Variants in NCEH1 observed in about 807,000 individuals in gnomAD.
NCEH1 encodes 2-acetyl MAGE hydrolase.
In NCEH1, 9 loss-of-function variants were observed where a neutral mutation model predicts 25.4. The observed-to-expected ratio is 0.35, with a 90% CI of 0.21 to 0.62. The LOEUF is 0.62. Among genes scored for constraint, NCEH1 ranks in the 20% least tolerant of loss-of-function variants. The pLI is 0.72. For synonymous variants in NCEH1, 200 were observed against 199.8 expected (o/e 1.00, Z -0.01); for missense variants, 412 against 501.1 (o/e 0.82, Z 1.70).
intron 1 of NCEH1, among the ~76,000 whole-genome samples, chr3:172,661,790 TAGG>T (rs774407485): frequency 0.2 from 29,746 of 151,924 alleles, 3,175 homozygotes; most frequent in Middle Eastern, 0.26. Context: ...TATTGGTGTA[TAGG>T]AATGCTTGTG....
chr3:172,666,091 G>A (rs746826676), intron 1 of NCEH1, among the ~76,000 whole-genome samples: 10 of 152,236 alleles, frequency 6.6e-5, no homozygotes, highest in Non-Finnish European at 1.2e-4. Flanking sequence ...GTAGACTGGA[G>A]CTGCTTCTAT....
intron 3 of NCEH1, among the ~76,000 whole-genome samples, chr3:172,639,009 C>A (rs983360037): frequency 1.3e-5 from 2 of 152,146 alleles, no homozygotes; most frequent in African/African-American, 4.8e-5. Flanking sequence ...ACACTTTTGG[C>A]CAGGCACGGT....
intron 2 of NCEH1, among the ~76,000 whole-genome samples, chr3:172,646,454 A>C (rs1015752196): frequency 6.6e-6 from 1 of 152,232 alleles, no homozygotes; most frequent in Non-Finnish European, 1.5e-5. Context: ...CTTTAAATGA[A>C]CACGTAAAAA....
intron 1 of NCEH1, among the ~76,000 whole-genome samples, chr3:172,656,388 C>T (rs182666634): frequency 3.2e-4 from 48 of 152,268 alleles, no homozygotes; most frequent in Non-Finnish European, 5.0e-4. Flanking sequence ...AATTTATAGA[C>T]GGCAAGGAGG....
intron 1 of NCEH1, among the ~76,000 whole-genome samples, chr3:172,688,335 AAAAAAAAAAAAAAAAAAG>A (rs1712817440): frequency 6.7e-6 from 1 of 150,228 alleles, no homozygotes; most frequent in African/African-American, 2.5e-5. Context: ...CACCTCAAAA[AAAAAAAAAAAAAAAAAAG>A]AAAATGGACA....
chr3:172,693,667 G>C (rs371114825), intron 1 of NCEH1, among the ~76,000 whole-genome samples: 1 of 152,110 alleles, frequency 6.6e-6, no homozygotes, highest in Non-Finnish European at 1.5e-5. Flanking sequence ...TTCTGTAGAC[G>C]TAACCAATAA....
At chr3:172,641,899 G>T (rs1327939386) in intron 3 of NCEH1, among the ~76,000 whole-genome samples, 1 of 152,082 alleles carries the variant, frequency 6.6e-6, no homozygotes, top group Non-Finnish European at 1.5e-5. Flanking sequence ...TTTAAACGAG[G>T]TAAGATCTTG....
At chr3:172,688,330 C>CAAAAA (rs11376665) in intron 1 of NCEH1, among the ~76,000 whole-genome samples, 42 of 66,126 alleles carry the variant, frequency 6.4e-4, no homozygotes, top group East Asian at 1.1e-3. Context: ...AACTCCACCT[C>CAAAAA]AAAAAAAAAA....
At chr3:172,663,060 T>C (rs1343100844) in intron 1 of NCEH1, among the ~76,000 whole-genome samples, 1 of 152,222 alleles carries the variant, frequency 6.6e-6, no homozygotes, top group East Asian at 1.9e-4. Flanking sequence ...TGTTAGGGTG[T>C]CAATTTTAGA....
chr3:172,633,329 A>G lies in NCEH1; in HGVS notation c.*146T>C, dbSNP rs1716449009. 1 of 793,200 alleles carries G rather than the reference A, an allele frequency of 1.3e-6. No individual in the cohort carries two copies. The highest frequency in any genetic ancestry group is 2.0e-6 in the Non-Finnish European group (1 of 496,800). The allele number at this position is 793,200 out of a possible 1,614,324, so 49.1% of individuals were successfully genotyped here. On this transcript the variant is annotated 3_prime_UTR_variant, in exon 5 of 5. Coordinates refer to ENST00000475381, the MANE Select transcript of NCEH1 (RefSeq NM_020792.6). ...TCATTTTTAAAAATTAGGTTATCAT[A>G]AAGACTTCAGTTATGGAATAGAAAT...
At chr3:172,652,799 G>T (rs769325038) in intron 1 of NCEH1, among the ~76,000 whole-genome samples, 1 of 151,916 alleles carries the variant, frequency 6.6e-6, no homozygotes, top group South Asian at 2.1e-4. Flanking sequence ...TGGTTGAAGC[G>T]ATTCTCCTGC....
chr3:172,634,818 T>C (rs977004393), intron 4 of NCEH1, among the ~76,000 whole-genome samples: 1 of 152,220 alleles, frequency 6.6e-6, no homozygotes, highest in African/African-American at 2.4e-5. Flanking sequence ...TGAAGCTTCA[T>C]AGACAACTAA....
chr3:172,660,386 T>A lies in NCEH1; in HGVS notation c.139-12272A>T, dbSNP rs1417373795. Among the ~76,000 whole-genome samples the A allele has an allele frequency of 3.9e-5, 6 of 152,162 alleles. No individual in the cohort carries two copies. The South Asian group carries it at 8.3e-4, about 21-fold the overall frequency. On this transcript the variant is annotated intron_variant, in intron 1 of 4. Transcript: ENST00000475381. ...AATCCAGTCTATCATTGATGGACAT[T>A]TGGGTTGGTTCCAAGTCTTTGCTAT...
At chr3:172,683,818 T>G (rs1712545217) in intron 1 of NCEH1, among the ~76,000 whole-genome samples, 1 of 152,214 alleles carries the variant, frequency 6.6e-6, no homozygotes, top group Non-Finnish European at 1.5e-5. Context: ...ATGTAAAGAC[T>G]CTTAGCTTCT....
intron 1 of NCEH1, among the ~76,000 whole-genome samples, chr3:172,673,444 T>C (rs1711764406): frequency 6.6e-6 from 1 of 152,220 alleles, no homozygotes; most frequent in Admixed American, 6.5e-5. Context: ...TAAGAGCTCT[T>C]ACAAGAGCAC....
chr3:172,638,508 T>A (rs970993416), intron 3 of NCEH1, among the ~76,000 whole-genome samples: 1 of 131,208 alleles, frequency 7.6e-6, no homozygotes, highest in Non-Finnish European at 1.6e-5. Context: ...CTAGATGACA[T>A]CATTTCATAT....
chr3:172,659,290 G>C lies in NCEH1; in HGVS notation c.139-11176C>G, dbSNP rs1256668207. Among the ~76,000 whole-genome samples the C allele has an allele frequency of 5.1e-5, 6 of 117,090 alleles. No homozygotes were observed. In the East Asian group the frequency reaches 1.2e-3, roughly 23 times the overall value. The allele number at this position is 117,090 out of a possible 152,430, so 76.8% of individuals were successfully genotyped here. A position where few individuals can be genotyped will look rare whatever the true frequency, so the allele number is the denominator to read the frequency against. On this transcript the variant is annotated intron_variant, in intron 1 of 4. Transcript: ENST00000475381. ...CCAAATTCTTTTATCGGGAGGCTGA[G>C]AGCAAAAGGCAGATTAACAAGCAAG...
intron 1 of NCEH1, among the ~76,000 whole-genome samples, chr3:172,679,636 G>T (rs570959333): frequency 1.3e-5 from 2 of 151,776 alleles, no homozygotes; most frequent in African/African-American, 4.8e-5. Flanking sequence ...AAAGGTTCTC[G>T]GTGGAAATTT....
At chr3:172,690,193 G>A (rs1019263184) in intron 1 of NCEH1, among the ~76,000 whole-genome samples, 9 of 152,064 alleles carry the variant, frequency 5.9e-5, no homozygotes, top group African/African-American at 1.9e-4. Context: ...GTGAGCCACC[G>A]CACCCAGCCA....
Sources: allele counts gnomAD v4.1 joint callset (sites outside exome capture counted in the v4.1 genomes callset), GRCh38; gene constraint gnomAD v4.1.1; transcripts MANE v1.5; gene names NCBI Gene and HGNC (gene_info 2026-07-23, HGNC 2026-07-21).